The following GRM5 variants were observed in gnomAD, a reference collection of about 807,000 sequenced individuals.
GRM5 encodes the protein glutamate metabotropic receptor 5, also known as metabotropic glutamate receptor 5.
In GRM5, 19 loss-of-function variants were observed where a neutral mutation model predicts 83.1. That is an observed-to-expected ratio of 0.23 (90% CI 0.16 to 0.34). GRM5 has a LOEUF of 0.34. GRM5 is among the 10% of genes least tolerant of loss of function. The pLI is 1.00. For missense variants in GRM5, 1,160 were observed against 1,588.3 expected, an observed-to-expected ratio of 0.73 and a Z score of 4.58; for synonymous variants, 675 against 633.6, an observed-to-expected ratio of 1.07 and a Z score of -0.98.
At chr11:88,519,379 G>C (rs760748802) in intron 9 of GRM5, among the ~76,000 whole-genome samples, 1 of 151,970 alleles carries the variant, frequency 6.6e-6, no homozygotes, top group Non-Finnish European at 1.5e-5. Context: ...GTTAGGTTAG[G>C]GTTAGTTTAT....
At chr11:88,617,321 G>A (rs1016046193) in intron 4 of GRM5, among the ~76,000 whole-genome samples, 9 of 152,170 alleles carry the variant, frequency 5.9e-5, no homozygotes, top group African/African-American at 1.7e-4. Context: ...GAAGCTAGTT[G>A]AGAACTCTGA....
At chr11:88,973,366 T>C (rs1022307679) in intron 2 of GRM5, among the ~76,000 whole-genome samples, 2 of 152,118 alleles carry the variant, frequency 1.3e-5, no homozygotes, top group African/African-American at 4.8e-5. Flanking sequence ...TTTGCAGATG[T>C]GAGTAAGTTA....
At chr11:88,762,114 G>T (rs972985767) in intron 3 of GRM5, among the ~76,000 whole-genome samples, 5 of 151,940 alleles carry the variant, frequency 3.3e-5, no homozygotes, top group Admixed American at 1.3e-4. Context: ...ATACCATTCT[G>T]GACATAGGAA....
intron 2 of GRM5, among the ~76,000 whole-genome samples, chr11:89,043,924 C>T (rs548188766): frequency 3.9e-5 from 6 of 152,242 alleles, no homozygotes; most frequent in Non-Finnish European, 8.8e-5. Flanking sequence ...AAAGTTCTCA[C>T]GTCAACCAAG....
At chr11:88,751,758 C>T (rs963886047) in intron 3 of GRM5, among the ~76,000 whole-genome samples, 1 of 152,138 alleles carries the variant, frequency 6.6e-6, no homozygotes, top group Admixed American at 6.6e-5. Context: ...CCACCATAAT[C>T]GAGTTCGCTT....
In GRM5 at chr11:88,589,784, A is replaced by T. The variant is rs115635243; in HGVS notation, c.1690+817T>A. Reference sequence around the variant, plus strand: ...AATCTATGTCCTCTTATTATATTGTAATCATATTTTTACTTTTTTGCCTCC... The same window carrying T: ...AATCTATGTCCTCTTATTATATTGTTATCATATTTTTACTTTTTTGCCTCC... On this transcript the variant is annotated intron_variant, in intron 7 of 9. Coordinates refer to ENST00000305447, the MANE Select transcript of GRM5 (RefSeq NM_001143831.3). Among the ~76,000 whole-genome samples, 495 of 152,276 alleles carry T rather than the reference A, an allele frequency of 3.3e-3. 1 individual carries two copies. Among genetic ancestry groups the T allele is most frequent in the African/African-American group, 0.011 (472 of 41,572 alleles).
chr11:88,913,415 A>G (rs1945533876), intron 2 of GRM5, among the ~76,000 whole-genome samples: 1 of 151,992 alleles, frequency 6.6e-6, no homozygotes, highest in African/African-American at 2.4e-5. Context: ...ATGGAAGGCA[A>G]TAGGGGATGG....
chr11:88,828,198 T>G (rs189340540), intron 3 of GRM5, among the ~76,000 whole-genome samples: 138 of 152,290 alleles, frequency 9.1e-4, no homozygotes, highest in African/African-American at 2.8e-3. Flanking sequence ...AAGAGGTATG[T>G]GTTAATCTGG....
intron 3 of GRM5, among the ~76,000 whole-genome samples, chr11:88,751,072 C>CAAAAAAAAAAAAAAAAAAA (rs774458890): frequency 1.2e-3 from 57 of 47,320 alleles, no homozygotes; most frequent in Non-Finnish European, 1.5e-3. Context: ...TAGCAGAAGC[C>CAAAAAAAAAAAAAAAAAAA]AAAAAAAAAA....
chr11:88,590,803 T>C (rs1937626269), intron 6 of GRM5, 76 bp from the exon 7 acceptor site: 2 of 1,175,832 alleles, frequency 1.7e-6, no homozygotes, highest in East Asian at 4.7e-5. Context: ...CAATGTGCTG[T>C]TTTGCAAAGC....
intron 2 of GRM5, among the ~76,000 whole-genome samples, chr11:89,039,821 GAT>G (rs1330022660): frequency 2.0e-5 from 3 of 152,130 alleles, no homozygotes; most frequent in African/African-American, 7.2e-5. Context: ...GGTTGCATTT[GAT>G]ATTGGTCTTG....
intron 3 of GRM5, among the ~76,000 whole-genome samples, chr11:88,832,248 T>C (rs1441224849): frequency 1.3e-5 from 2 of 152,156 alleles, no homozygotes; most frequent in South Asian, 2.1e-4. Context: ...ACCAAAAACC[T>C]TTTAGATCTA....
chr11:88,611,032 A>G (rs970026187), intron 4 of GRM5, among the ~76,000 whole-genome samples: 3 of 152,166 alleles, frequency 2.0e-5, no homozygotes, highest in African/African-American at 7.2e-5. Context: ...TGATTTGCGT[A>G]TGTTAAACCA....
intron 2 of GRM5, among the ~76,000 whole-genome samples, chr11:88,986,851 C>T (rs898481025): frequency 6.7e-6 from 1 of 148,902 alleles, no homozygotes; most frequent in Admixed American, 6.8e-5. Context: ...TCACATCTCA[C>T]ATTTAAGTCT....
Position 88,993,135 on chromosome 11 carries a change from G to A in GRM5, c.661+54077C>T, listed in dbSNP as rs148073963. Among the ~76,000 whole-genome samples the A allele has an allele frequency of 1.1e-3, 172 of 151,640 alleles. 2 individuals are homozygous for A. The highest frequency in any genetic ancestry group is 3.5e-3 in the African/African-American group (145 of 41,414). The stretch of plus-strand genomic sequence containing the variant: ...AAAAAAATTAGCTGGGCATCCTGGC[G>A]GGCGCCTGTAGTCCTAGCTCCTCCG... On this transcript the variant is annotated intron_variant, in intron 2 of 9. Transcript: ENST00000305447.
Position 88,558,739 on chromosome 11 carries a change from T to A in GRM5, c.2630+8314A>T, listed in dbSNP as rs373276643. Among the ~76,000 whole-genome samples, 7 of 136,702 alleles carry A rather than the reference T, an allele frequency of 5.1e-5. 1 individual carries two copies. The highest frequency in any genetic ancestry group is 2.1e-4 in the East Asian group (1 of 4,720). 89.7% of individuals were successfully genotyped at this position (136,702 alleles called of 152,430 possible). On this transcript the variant is annotated intron_variant, in intron 8 of 9. Coordinates refer to ENST00000305447, the MANE Select transcript of GRM5 (RefSeq NM_001143831.3). The stretch of plus-strand genomic sequence containing the variant: ...TCGCTTGAAACTGAGAGGTGGAGGT[T>A]GCAGTGAGCCCAGATCATACCTCTG...
intron 3 of GRM5, among the ~76,000 whole-genome samples, chr11:88,692,693 T>C (rs907047011): frequency 6.6e-6 from 1 of 152,186 alleles, no homozygotes; most frequent in Admixed American, 6.5e-5. Flanking sequence ...CCATTTTCTG[T>C]TAAAAATGCT....
At chr11:88,941,250 A>C (rs1209773262) in intron 2 of GRM5, among the ~76,000 whole-genome samples, 1 of 151,752 alleles carries the variant, frequency 6.6e-6, no homozygotes, top group Non-Finnish European at 1.5e-5. Context: ...TGAAAAAGAC[A>C]CAGAGGTCAG....
intron 3 of GRM5, among the ~76,000 whole-genome samples, chr11:88,789,172 T>A (rs1943126218): frequency 6.6e-6 from 1 of 152,128 alleles, no homozygotes; most frequent in South Asian, 2.1e-4. Context: ...AATTCCAGCA[T>A]CTGGATATGA....
Sources: allele counts gnomAD v4.1 joint callset (sites outside exome capture counted in the v4.1 genomes callset), GRCh38; gene constraint gnomAD v4.1.1; transcripts MANE v1.5; gene names NCBI Gene and HGNC (gene_info 2026-07-23, HGNC 2026-07-21).